Variants in CAMKMT observed in about 807,000 individuals in gnomAD.
CAMKMT encodes calmodulin-lysine N-methyltransferase, also known as CaM KMT.
In CAMKMT, 53 loss-of-function variants were observed where a neutral mutation model predicts 48.0. That is an observed-to-expected ratio of 1.10 (90% confidence interval 0.89 to 1.39). The LOEUF (loss-of-function observed/expected upper bound fraction) is 1.39. CAMKMT is among the 40% of genes most tolerant of loss of function. The pLI is 0.00. For missense variants in CAMKMT, 428 were observed against 402.7 expected (o/e 1.06, Z -0.54); for synonymous variants, 165 against 152.3 (o/e 1.08, Z -0.61).
intron 3 of CAMKMT, among the ~76,000 whole-genome samples, chr2:44,402,183 G>T (rs1232154862): frequency 1.3e-5 from 2 of 152,040 alleles, no homozygotes; most frequent in Non-Finnish European, 2.9e-5. Context: ...AAAAAAATTA[G>T]CCAGGCCTGG....
Position 44,589,895 on chromosome 2 carries a change from AG to A in CAMKMT, c.377-114387del, listed in dbSNP as rs1257865398. On this transcript the variant is annotated intron_variant, in intron 3 of 10. Coordinates refer to ENST00000378494, the MANE Select transcript of CAMKMT (RefSeq NM_024766.5). The stretch of plus-strand genomic sequence containing the variant: ...CAAGAATGATCAATAAAAAAAAAAA[AG>A]AAAAAAAAAAAAGAACGAAAAAAAA... Among the ~76,000 whole-genome samples the A allele has an allele frequency of 1.3e-3, 104 of 81,938 alleles. 14 individuals carry two copies. Among genetic ancestry groups the A allele is most frequent in the East Asian group, 1.8e-3 (8 of 4,436 alleles). 53.8% of individuals were successfully genotyped at this position (81,938 alleles called of 152,430 possible). A position where few individuals can be genotyped will look rare whatever the true frequency, so the allele number is the denominator to read the frequency against.
intron 7 of CAMKMT, among the ~76,000 whole-genome samples, chr2:44,722,548 G>T (rs141147457): frequency 6.6e-6 from 1 of 152,084 alleles, no homozygotes; most frequent in East Asian, 1.9e-4. Context: ...CATAATTCTA[G>T]ATCAGAACAA....
chr2:44,738,118 T>G (rs923003498), intron 7 of CAMKMT, among the ~76,000 whole-genome samples: 2 of 152,154 alleles, frequency 1.3e-5, no homozygotes, highest in Admixed American at 1.3e-4. Flanking sequence ...CCTCCCAAAG[T>G]GCTGGGATTA....
chr2:44,544,471 A>G (rs1376625748), intron 3 of CAMKMT, among the ~76,000 whole-genome samples: 1 of 152,166 alleles, frequency 6.6e-6, no homozygotes, highest in Non-Finnish European at 1.5e-5. Context: ...TGGAAGTCAG[A>G]TTTCTCTTGC....
At chr2:44,572,330 A>C (rs1026910889) in intron 3 of CAMKMT, among the ~76,000 whole-genome samples, 3 of 152,176 alleles carry the variant, frequency 2.0e-5, no homozygotes, top group African/African-American at 7.2e-5. Flanking sequence ...TACAGGCGTG[A>C]GCTGCCATGC....
intron 3 of CAMKMT, among the ~76,000 whole-genome samples, chr2:44,678,366 G>A (rs961015529): frequency 1.2e-4 from 19 of 152,280 alleles, no homozygotes; most frequent in African/African-American, 4.3e-4. Context: ...AAATGTGACT[G>A]TGTATTCACT....
chr2:44,367,707 T>A (rs1181874040), intron 1 of CAMKMT, among the ~76,000 whole-genome samples: 1 of 152,206 alleles, frequency 6.6e-6, no homozygotes, highest in Non-Finnish European at 1.5e-5. Context: ...AGGAAAGGGA[T>A]ATTGATCAGA....
chr2:44,520,676 T>C (rs575399871), intron 3 of CAMKMT, among the ~76,000 whole-genome samples: 1 of 152,314 alleles, frequency 6.6e-6, no homozygotes, highest in Non-Finnish European at 1.5e-5. Flanking sequence ...ATTATGCACC[T>C]AATCTCTCTG....
intron 3 of CAMKMT, among the ~76,000 whole-genome samples, chr2:44,625,375 A>G (rs1483123415): frequency 1.3e-5 from 2 of 152,126 alleles, no homozygotes; most frequent in Non-Finnish European, 2.9e-5. Flanking sequence ...TTCTGTATAT[A>G]ACCTATACAA....
chr2:44,559,949 A>T (rs570547172), intron 3 of CAMKMT, among the ~76,000 whole-genome samples: 2 of 152,194 alleles, frequency 1.3e-5, no homozygotes, highest in Non-Finnish European at 2.9e-5. Flanking sequence ...ACTCATTTTT[A>T]TATTGACTTT....
intron 3 of CAMKMT, among the ~76,000 whole-genome samples, chr2:44,661,503 A>G: frequency 6.6e-6 from 1 of 151,888 alleles, no homozygotes; most frequent in Non-Finnish European, 1.5e-5. Flanking sequence ...TTTAGTAGAG[A>G]AAGGGTTTCA....
chr2:44,488,087 C>T (rs773471697), intron 3 of CAMKMT, among the ~76,000 whole-genome samples: 13 of 152,290 alleles, frequency 8.5e-5, no homozygotes, highest in African/African-American at 1.2e-4. Flanking sequence ...TATGAAAGAA[C>T]GGCATGAAGT....
chr2:44,486,046 C>T (rs1300578771), intron 3 of CAMKMT, among the ~76,000 whole-genome samples: 1 of 152,152 alleles, frequency 6.6e-6, no homozygotes, highest in Non-Finnish European at 1.5e-5. Flanking sequence ...CCCACTGCAA[C>T]CTCTGTCCCC....
At chr2:44,660,941 G>A (rs1003464714) in intron 3 of CAMKMT, among the ~76,000 whole-genome samples, 1 of 152,074 alleles carries the variant, frequency 6.6e-6, no homozygotes, top group African/African-American at 2.4e-5. Flanking sequence ...TCAATGTTAT[G>A]TTTTTGGGAA....
intron 2 of CAMKMT, among the ~76,000 whole-genome samples, chr2:44,384,165 T>A (rs1680540253): frequency 6.6e-6 from 1 of 152,214 alleles, no homozygotes; most frequent in Admixed American, 6.5e-5. Flanking sequence ...ATTATAGCCA[T>A]TCTTGCAGGA....
intron 2 of CAMKMT, among the ~76,000 whole-genome samples, chr2:44,385,469 C>G (rs1377365334): frequency 6.6e-6 from 1 of 152,066 alleles, no homozygotes; most frequent in Non-Finnish European, 1.5e-5. Context: ...CCCTTTCTTT[C>G]TTTCTCTTGT....
chr2:44,559,650 T>C (rs543549621), intron 3 of CAMKMT, among the ~76,000 whole-genome samples: 1 of 152,324 alleles, frequency 6.6e-6, no homozygotes, highest in East Asian at 1.9e-4. Context: ...TTGAGCAGAC[T>C]AGTATGTCTG....
chr2:44,439,730 C>T (rs964137553), intron 3 of CAMKMT, among the ~76,000 whole-genome samples: 4 of 151,052 alleles, frequency 2.6e-5, no homozygotes, highest in Middle Eastern at 3.2e-3. Flanking sequence ...CCCAGCTACT[C>T]GGGAGGCTGA....
chr2:44,478,246 C>G (rs1002056524), intron 3 of CAMKMT, among the ~76,000 whole-genome samples: 1 of 152,132 alleles, frequency 6.6e-6, no homozygotes, highest in African/African-American at 2.4e-5. Flanking sequence ...TTTGCTTTTT[C>G]ATGGCTTTGA....
Sources: allele counts gnomAD v4.1 joint callset (sites outside exome capture counted in the v4.1 genomes callset), GRCh38; gene constraint gnomAD v4.1.1; transcripts MANE v1.5; gene names NCBI Gene and HGNC (gene_info 2026-07-23, HGNC 2026-07-21).